TMEM63A: variants seen among roughly 807,000 people sequenced by gnomAD.
TMEM63A encodes transmembrane protein 63A.
TMEM63A carries 76 observed loss-of-function variants against 100.6 expected under a neutral mutation model. The observed-to-expected ratio is 0.76, with a 90% CI of 0.63 to 0.91. The LOEUF (loss-of-function observed/expected upper bound fraction) is 0.91, where lower values mean the gene tolerates loss of function less well. TMEM63A is among the 40% of genes least tolerant of loss of function. The pLI is 0.00. For synonymous variants in TMEM63A, 401 were observed against 401.1 expected (o/e 1.00, Z 0.00); for missense variants, 876 against 1,008.8 (o/e 0.87, Z 1.78).
At chr1:225,875,013 C>T (rs1417027605) in intron 3 of TMEM63A, among the ~76,000 whole-genome samples, 9 of 152,196 alleles carry the variant, frequency 5.9e-5, no homozygotes, top group Non-Finnish European at 1.2e-4. Flanking sequence ...GGATTACAGG[C>T]GTGAGCCACC....
rs1231705783 is a variant in TMEM63A at position 225,867,859 on chromosome 1, A to G, written c.514+29T>C. On this transcript the variant is annotated intron_variant, in intron 7 of 24. Coordinates refer to ENST00000366835, the MANE Select transcript of TMEM63A (RefSeq NM_014698.3). The surrounding 1 kb of genome is among the most constrained non-coding windows in gnomAD (Gnocchi z 4.6). ...AGGACTGCCACTCTGCCCCATTACA[A>G]CATAGACAAGGGTGAGGAGGGTCAT... 1.2e-6 allele frequency: 2 copies of G among 1,613,788 alleles called. No homozygotes were observed. Among genetic ancestry groups the G allele is most frequent in the South Asian group, 2.2e-5 (2 of 91,042 alleles).
chr1:225,853,809 C>G lies in TMEM63A; in HGVS notation c.1635-18G>C, dbSNP rs1048259810. 1.9e-6 allele frequency: 3 copies of G among 1,577,538 alleles called. No homozygotes were observed. In the African/African-American group the frequency reaches 4.1e-5, roughly 21 times the overall value. Reference sequence around the variant, plus strand: ...AGACGCACCTGGGGAAACCAGGGCCCAGGTCTGTGAGCTGAGAGCCGCTCT... The same window carrying G: ...AGACGCACCTGGGGAAACCAGGGCCGAGGTCTGTGAGCTGAGAGCCGCTCT... On this transcript the variant is annotated intron_variant, in intron 18 of 24. Transcript: ENST00000366835. This position sits in a 1 kb window ranked among gnomAD's most constrained non-coding sequence, Gnocchi z 4.0.
intron 23 of TMEM63A, among the ~76,000 whole-genome samples, chr1:225,848,031 C>T (rs188881396): frequency 6.9e-4 from 105 of 152,300 alleles, no homozygotes; most frequent in African/African-American, 2.4e-3. Flanking sequence ...TGTCTCTCTA[C>T]CATGGGGTCT....
intron 14 of TMEM63A, 50 bp from the exon 15 acceptor site, chr1:225,859,399 G>A (rs572602118): frequency 8.1e-6 from 13 of 1,604,150 alleles, no homozygotes; most frequent in Middle Eastern, 2.2e-4. Flanking sequence ...CCCAGTGCTC[G>A]TGGCTTAGGT....
chr1:225,845,383 C>CAA, downstream of TMEM63A: 3 of 1,539,862 alleles, frequency 1.9e-6, no homozygotes, highest in African/African-American at 2.7e-5. Flanking sequence ...CCTCCCCCCA[C>CAA]AAGTGCCCTC....
chr1:225,845,194 A>G (rs1559028491), downstream of TMEM63A: 2 of 1,613,986 alleles, frequency 1.2e-6, no homozygotes, highest in Non-Finnish European at 1.7e-6. Context: ...CTTTTGAGCT[A>G]TTGCACACGC....
chr1:225,857,663 G>A (rs1409442718), intron 15 of TMEM63A, among the ~76,000 whole-genome samples: 2 of 151,828 alleles, frequency 1.3e-5, no homozygotes, highest in East Asian at 3.8e-4. Flanking sequence ...AAGATCAAGG[G>A]ATATGCGATC....
rs1018344169 is a variant in TMEM63A, at chr1:225,853,381, G to A, written c.1797+248C>T. On this transcript the variant is annotated intron_variant, in intron 19 of 24. Coordinates refer to ENST00000366835, the MANE Select transcript of TMEM63A (RefSeq NM_014698.3). This position sits in a 1 kb window ranked among gnomAD's most constrained non-coding sequence, Gnocchi z 4.0. ...TTGAGTTGTATGTATGTATGTGTGC[G>A]ATCAAACCGTTTCAAATGCCAAAGT... Among the ~76,000 whole-genome samples, 4 of 152,170 alleles carry A rather than the reference G, an allele frequency of 2.6e-5. No individual in the cohort carries two copies. Among genetic ancestry groups the A allele is most frequent in the South Asian group, 2.1e-4 (1 of 4,832 alleles).
chr1:225,877,246 C>G, intron 3 of TMEM63A, 149 bp downstream of exon 3: 1 of 839,548 alleles, frequency 1.2e-6, no homozygotes, highest in Non-Finnish European at 1.8e-6. Context: ...AGCTAAGTAA[C>G]ACGCCTAAGT....
downstream of TMEM63A, chr1:225,844,654 T>C (rs747654861): frequency 1.3e-5 from 21 of 1,612,856 alleles, no homozygotes; most frequent in East Asian, 2.9e-4. Context: ...AACAGGGGCC[T>C]CTGAGGCTGG....
At chr1:225,841,408 A>T (rs1395738952), downstream of TMEM63A, among the ~76,000 whole-genome samples, 1 of 151,396 alleles carries the variant, frequency 6.6e-6, no homozygotes, top group Non-Finnish European at 1.5e-5. Context: ...TCAGCCTCCC[A>T]AGTAGCTGGG....
At position 225,858,948 on chromosome 1, in the gene TMEM63A, ATGTGTGTGTGTGTGTG is replaced by A. The variant is rs57543496; in HGVS notation, c.1377+232_1377+247del. Among the ~76,000 whole-genome samples, 146 of 139,754 alleles carry A rather than the reference ATGTGTGTGTGTGTGTG, an allele frequency of 1.0e-3. 2 individuals are homozygous for A. Among genetic ancestry groups the A allele is most frequent in the East Asian group, 3.6e-3 (17 of 4,680 alleles). 91.7% of individuals were successfully genotyped at this position (139,754 alleles called of 152,430 possible). ...GCATGTGTGTGTATATATACATATAATGTGTGTGTGTGTGTGTGTGTGTGTGTGTGTGTGTGTGTGT... is the reference window on the plus strand; with the variant it reads ...GCATGTGTGTGTATATATACATATAATGTGTGTGTGTGTGTGTGTGTGTGT... On this transcript the variant is annotated intron_variant, in intron 15 of 24. Coordinates refer to ENST00000366835, the MANE Select transcript of TMEM63A (RefSeq NM_014698.3).
Position 225,847,102 on chromosome 1 carries a change from G to A in TMEM63A, c.2362C>T (p.Pro788Ser), listed in dbSNP as rs746747329. 1.2e-6 allele frequency: 2 copies of A among 1,613,942 alleles called. No individual in the cohort carries two copies. The highest frequency in any genetic ancestry group is 8.5e-7 in the Non-Finnish European group (1 of 1,180,040). Residue 788 changes from proline (P) to serine (S), a missense_variant, in exon 24 of 25, where the codon CCT (proline) becomes TCT (serine). Around this residue, in one of 5 missense-constraint regions of TMEM63A, gnomAD observed 339 missense variants for 342.3 expected, o/e 0.99. Coordinates refer to ENST00000366835, the MANE Select transcript of TMEM63A (RefSeq NM_014698.3). ...GAIHNISGTI[P>S]GQCLAQSATG... Reference sequence around the variant, plus strand: ...GCGCTCTGCGCCAAGCACTGTCCAGGGATAGTCCCGCTGATGTTGTGGATG... The same window carrying A: ...GCGCTCTGCGCCAAGCACTGTCCAGAGATAGTCCCGCTGATGTTGTGGATG...
intron 1 of TMEM63A, 52 bp from the exon 2 acceptor site, chr1:225,879,462 T>C (rs1576122863): frequency 6.6e-6 from 1 of 152,346 alleles, no homozygotes; most frequent in African/African-American, 2.4e-5. Flanking sequence ...TTTTCCAGTG[T>C]AGGGGTCTGG....
At chr1:225,848,269 C>A in intron 23 of TMEM63A, 1 of 561,686 alleles carries the variant, frequency 1.8e-6, no homozygotes, top group Non-Finnish European at 3.1e-6. Context: ...GGGGGATGGC[C>A]ATGAATCGAG....
At chr1:225,872,977 A>G (rs1228861958) in intron 4 of TMEM63A, among the ~76,000 whole-genome samples, 2 of 152,124 alleles carry the variant, frequency 1.3e-5, no homozygotes, top group African/African-American at 4.8e-5. Context: ...TATAGGTGTG[A>G]GCCAACATGC....
In TMEM63A at chr1:225,861,052, C is replaced by A. The variant is rs373275465; in HGVS notation, c.1086-55G>T. 2.4e-3 allele frequency: 3,794 copies of A among 1,559,528 alleles called. 78 individuals carry two copies. The African/African-American group carries it at 0.045, about 19-fold the overall frequency. On this transcript the variant is annotated intron_variant, in intron 13 of 24. Coordinates refer to ENST00000366835, the MANE Select transcript of TMEM63A (RefSeq NM_014698.3). Reference sequence around the variant, plus strand: ...CAGGCTACTCAGGTTACCAAGCACACATGTGGCAAGTGGGGACTGAGTAGG... The same window carrying A: ...CAGGCTACTCAGGTTACCAAGCACAAATGTGGCAAGTGGGGACTGAGTAGG...
chr1:225,855,040 G>T (rs1031448030), intron 18 of TMEM63A, among the ~76,000 whole-genome samples: 11 of 152,206 alleles, frequency 7.2e-5, no homozygotes, highest in African/African-American at 2.7e-4. Flanking sequence ...ACTATTGCTG[G>T]CTGTATGTAT....
Position 225,877,392 on chromosome 1 carries a change from C to A in TMEM63A, c.186+3G>T. The A allele has an allele frequency of 6.2e-7, 1 of 1,609,608 alleles. No individual in the cohort carries two copies. ...GTGGGACACGACTCATGAGGGCTCT[C>A]ACCAGGAAGCAGCTGACGTCTATGA... On this transcript the variant is annotated splice_donor_region_variant and intron_variant, in intron 3 of 24. Coordinates refer to ENST00000366835, the MANE Select transcript of TMEM63A (RefSeq NM_014698.3).
Sources: allele counts gnomAD v4.1 joint callset (sites outside exome capture counted in the v4.1 genomes callset), GRCh38; gene constraint gnomAD v4.1.1; regional missense constraint gnomAD v4.1.1; non-coding constraint Gnocchi (gnomAD v3.1); transcripts MANE v1.5; gene names NCBI Gene and HGNC (gene_info 2026-07-23, HGNC 2026-07-21).